SELP: variants seen among roughly 807,000 people sequenced by gnomAD.
SELP encodes the protein selectin P, also known as P-selectin.
SELP carries 92 observed loss-of-function variants against 104.1 expected under a neutral mutation model. The ratio of observed to expected loss-of-function variants is 0.88; its 90% CI spans 0.75 to 1.05. SELP has a LOEUF of 1.05. SELP is among the 50% of genes least tolerant of loss of function. SELP has a pLI of 0.00. For missense variants in SELP, 1,022 were observed against 1,017.3 expected (o/e 1.00, Z -0.06); for synonymous variants, 397 against 364.5 (o/e 1.09, Z -1.01).
chr1:169,594,638 G>A (rs1661506342), intron 13 of SELP, 54 bp downstream of exon 13: 1 of 1,550,136 alleles, frequency 6.5e-7, no homozygotes, highest in South Asian at 1.1e-5. Flanking sequence ...AAGAAACACT[G>A]ATTTTGTTAT....
chr1:169,611,580 C>T lies in SELP; in HGVS notation c.1059G>A (p.Glu353=). The stretch of plus-strand genomic sequence containing the variant: ...CCCTCACTCTGTAGCCGGGCTGGCA[C>T]TCAAATTTACAGCTGGAGCCATAGG... The part of the protein sequence containing the change: ...AFAYGSSCKF[E]CQPGYRVRGL... The change falls in exon 7 of 17, where the codon GAG becomes GAA. Residue 353 remains glutamate, a synonymous_variant. Transcript: ENST00000263686. 1.2e-6 allele frequency: 2 copies of T among 1,614,110 alleles called. No individual in the cohort carries two copies. The highest frequency in any genetic ancestry group is 1.7e-6 in the Non-Finnish European group (2 of 1,180,000).
chr1:169,596,013 G>C lies in SELP; in HGVS notation c.2013C>G (p.Gly671=). 5 of 1,613,940 alleles carry C rather than the reference G, an allele frequency of 3.1e-6. No homozygotes were observed. The highest frequency in any genetic ancestry group is 3.4e-6 in the Non-Finnish European group (4 of 1,179,848). The change falls in exon 12 of 17, where the codon GGC becomes GGG. Residue 671 remains glycine (G), a synonymous_variant. Coordinates refer to ENST00000263686, the MANE Select transcript of SELP (RefSeq NM_003005.4). ...CTATGAGTGTGAATCCAGCGTTGCAGCCAAAGTAACAAGTGGTATTAAAAC... is the reference window on the plus strand; with the variant it reads ...CTATGAGTGTGAATCCAGCGTTGCACCCAAAGTAACAAGTGGTATTAAAAC... ...TFGFNTTCYF[G]CNAGFTLIGD...
chr1:169,612,984 G>C lies in SELP; in HGVS notation c.720C>G (p.Ser240Arg). Reference sequence around the variant, plus strand: ...TTCCAGAAGCCAAGCATTCCAGCTTGCTGGGCCCATTTACTTGGTACCCGT... The same window carrying C: ...TTCCAGAAGCCAAGCATTCCAGCTTCCTGGGCCCATTTACTTGGTACCCGT... ...CTDGYQVNGP[S>R]KLECLASGIW... is the part of the protein sequence containing the mutation. The change falls in exon 5 of 17, where the codon AGC becomes AGG. Residue 240 changes from serine to arginine, a missense_variant. Ser to Arg is a moderately radical substitution (Grantham distance 110). Coordinates refer to ENST00000263686, the MANE Select transcript of SELP (RefSeq NM_003005.4). The C allele has an allele frequency of 6.2e-7, 1 of 1,613,734 alleles. No individual in the cohort carries two copies. The highest frequency in any genetic ancestry group is 8.5e-7 in the Non-Finnish European group (1 of 1,179,728).
intron 10 of SELP, among the ~76,000 whole-genome samples, chr1:169,601,264 TG>T (rs1158730632): frequency 6.6e-6 from 1 of 152,330 alleles, no homozygotes; most frequent in East Asian, 1.9e-4. Context: ...TATATCTTTT[TG>T]ACAGCAGATG....
intron 9 of SELP, among the ~76,000 whole-genome samples, chr1:169,606,038 C>T (rs913710855): frequency 2.6e-5 from 4 of 152,110 alleles, no homozygotes; most frequent in African/African-American, 4.8e-5. Context: ...AGTACAAGGC[C>T]GGGAGCAGTG....
chr1:169,613,172 G>A (rs2101906422), intron 4 of SELP, 58 bp from the exon 5 acceptor site: 1 of 1,448,930 alleles, frequency 6.9e-7, no homozygotes, highest in Non-Finnish European at 9.3e-7. Context: ...GCAATGTCAT[G>A]TTTGCTGAAA....
chr1:169,614,369 A>C (rs1415331965), intron 3 of SELP, among the ~76,000 whole-genome samples: 1 of 152,260 alleles, frequency 6.6e-6, no homozygotes, highest in East Asian at 1.9e-4. Flanking sequence ...AGTACTGACT[A>C]TGGCTGAACT....
rs1480824187 is a variant in SELP at position 169,603,165 on chromosome 1, G to A, written c.1566C>T (p.Thr522=). 35 of 1,613,914 alleles carry A rather than the reference G, an allele frequency of 2.2e-5. No homozygotes were observed. Among genetic ancestry groups the A allele is most frequent in the Non-Finnish European group, 2.9e-5 (34 of 1,179,960 alleles). The part of the protein sequence containing the change: ...PLLSPQNGTM[T]CVQPLGSSSY... ...TGGAACTTCCAAGAGGTTGAACACAGGTCATTGTTCCATTCTGAGGGCTTA... is the reference window on the plus strand; with the variant it reads ...TGGAACTTCCAAGAGGTTGAACACAAGTCATTGTTCCATTCTGAGGGCTTA... The change falls in exon 10 of 17, where the codon ACC becomes ACT. Residue 522 remains threonine, a synonymous_variant. Coordinates refer to ENST00000263686, the MANE Select transcript of SELP (RefSeq NM_003005.4).
At chr1:169,608,965 C>T (rs972105268) in intron 8 of SELP, among the ~76,000 whole-genome samples, 2 of 152,070 alleles carry the variant, frequency 1.3e-5, no homozygotes, top group African/African-American at 4.8e-5. Flanking sequence ...TCAAATCAGA[C>T]CACAGACATG....
At chr1:169,609,754 T>A (rs772562044) in intron 7 of SELP, 65 bp from the exon 8 acceptor site, 72 of 1,445,210 alleles carry the variant, frequency 5.0e-5, no homozygotes, top group Non-Finnish European at 6.3e-5. Flanking sequence ...TCAGAAAAAA[T>A]TCCTAGATGC....
intron 13 of SELP, among the ~76,000 whole-genome samples, 196 bp downstream of exon 13, chr1:169,594,496 T>C (rs1044575198): frequency 1.3e-5 from 2 of 152,186 alleles, no homozygotes; most frequent in Admixed American, 1.3e-4. Context: ...GGTGATTACC[T>C]ACACAGTCAC....
intron 9 of SELP, among the ~76,000 whole-genome samples, chr1:169,604,089 T>G (rs938812235): frequency 3.3e-5 from 5 of 152,130 alleles, no homozygotes; most frequent in Non-Finnish European, 7.4e-5. Context: ...TGTTCCTATT[T>G]CTCCACATCC....
chr1:169,614,649 C>T (rs951068834), intron 3 of SELP, among the ~76,000 whole-genome samples: 3 of 152,120 alleles, frequency 2.0e-5, no homozygotes, highest in African/African-American at 7.2e-5. Flanking sequence ...AAAAGAATAT[C>T]CATATGTCAT....
chr1:169,597,004 T>C lies in SELP; in HGVS notation c.1878A>G (p.Pro626=), dbSNP rs3917805. ...ACATATTATTACCTTTGCAGGTTGG[T>C]GGAGTAGCTGACCATCTTCCAGAAG... The part of the protein sequence containing the change: ...CTTSGRWSAT[P]PTCKGIASLP... Residue 626 remains proline (P), a synonymous_variant, in exon 11 of 17, where the codon CCA becomes CCG. Coordinates refer to ENST00000263686, the MANE Select transcript of SELP (RefSeq NM_003005.4). 1.6e-3 allele frequency: 2,520 copies of C among 1,611,830 alleles called. 34 individuals carry two copies. In the African/African-American group the frequency reaches 0.025, roughly 16 times the overall value.
Position 169,607,085 on chromosome 1 carries a change from G to A in SELP, c.1383C>T (p.Cys461=). 5 of 1,611,408 alleles carry A rather than the reference G, an allele frequency of 3.1e-6. No homozygotes were observed. The highest frequency in any genetic ancestry group is 1.1e-5 in the South Asian group (1 of 91,010). The change falls in exon 9 of 17, where the codon TGC becomes TGT. Residue 461 remains cysteine (C), a synonymous_variant. Coordinates refer to ENST00000263686, the MANE Select transcript of SELP (RefSeq NM_003005.4). ...ACCTAAAGGCACCGAAGGGGTGGGA[G>A]CAGTTCACCCGGGCCTCATTTGGAA... ...LPVPNEARVN[C]SHPFGAFRYQ...
chr1:169,613,940 G>A (rs1199721440), intron 3 of SELP, among the ~76,000 whole-genome samples: 1 of 152,234 alleles, frequency 6.6e-6, no homozygotes, highest in East Asian at 1.9e-4. Flanking sequence ...ATTGTTGTGT[G>A]TGGACACAGA....
chr1:169,617,667 A>T (rs979785191), intron 2 of SELP, among the ~76,000 whole-genome samples: 4 of 152,222 alleles, frequency 2.6e-5, no homozygotes, highest in East Asian at 1.9e-4. Flanking sequence ...GTTTGGAATC[A>T]TAAGATATCA....
chr1:169,591,486 G>GA, intron 14 of SELP, 30 bp from the exon 15 acceptor site: 1 of 1,392,104 alleles, frequency 7.2e-7, no homozygotes, highest in Non-Finnish European at 9.8e-7. Context: ...AAGAATGAAT[G>GA]ATTAAAAAAA....
intron 9 of SELP, among the ~76,000 whole-genome samples, chr1:169,603,605 A>G (rs1312459932): frequency 6.6e-6 from 1 of 152,152 alleles, no homozygotes; most frequent in African/African-American, 2.4e-5. Flanking sequence ...TACCTTCTTC[A>G]GAAACACCCC....
Sources: gnomAD v4.1 joint callset for allele counts (sites outside exome capture counted in the v4.1 genomes callset) on GRCh38, gnomAD v4.1.1 for gene constraint, MANE v1.5 for transcripts, NCBI Gene and HGNC (gene_info 2026-07-23, HGNC 2026-07-21) for gene names.